LRRC7: variants seen among roughly 807,000 people sequenced by gnomAD.
LRRC7 encodes leucine-rich repeat-containing protein 7.
A neutral mutation model predicts 175.7 loss-of-function variants in LRRC7; 23 were observed. That is an observed-to-expected ratio of 0.13 (90% CI 0.09 to 0.19). The LOEUF is 0.19. LRRC7 is among the 10% of genes least tolerant of loss of function. LRRC7 has a pLI of 1.00. For missense variants in LRRC7, 1,354 were observed against 1,904.7 expected, an observed-to-expected ratio of 0.71 and a Z score of 5.38; for synonymous variants, 685 against 680.9, an observed-to-expected ratio of 1.01 and a Z score of -0.09.
At chr1:69,709,256 G>A (rs1400244009) in intron 2 of LRRC7, among the ~76,000 whole-genome samples, 1 of 152,182 alleles carries the variant, frequency 6.6e-6, no homozygotes, top group Non-Finnish European at 1.5e-5. Flanking sequence ...GCTCTCATTT[G>A]TAGCTATGCC....
At chr1:69,578,782 G>A (rs1452591015) in intron 1 of LRRC7, among the ~76,000 whole-genome samples, 1 of 127,540 alleles carries the variant, frequency 7.8e-6, no homozygotes, top group Admixed American at 8.4e-5. Flanking sequence ...TCACACTCTG[G>A]GGACTGTTGT....
At chr1:69,581,283 G>C (rs955132162) in intron 1 of LRRC7, among the ~76,000 whole-genome samples, 1 of 152,126 alleles carries the variant, frequency 6.6e-6, no homozygotes, top group African/African-American at 2.4e-5. Flanking sequence ...GTGGAAATAG[G>C]GATTCATGAA....
intron 4 of LRRC7, among the ~76,000 whole-genome samples, chr1:69,813,113 T>A (rs546892808): frequency 6.6e-6 from 1 of 152,084 alleles, no homozygotes; most frequent in African/African-American, 2.4e-5. Flanking sequence ...CACCAATCCA[T>A]TATATTGGCA....
At chr1:69,920,953 G>C (rs1043827951) in intron 7 of LRRC7, among the ~76,000 whole-genome samples, 1 of 152,068 alleles carries the variant, frequency 6.6e-6, no homozygotes, top group Admixed American at 6.6e-5. Flanking sequence ...CTCCTCATGG[G>C]CCCCAACTAT....
At chr1:69,821,257 T>G (rs1475039971) in intron 4 of LRRC7, among the ~76,000 whole-genome samples, 2 of 152,164 alleles carry the variant, frequency 1.3e-5, no homozygotes, top group African/African-American at 4.8e-5. Flanking sequence ...CCCATAAGCT[T>G]TCTTCATTCC....
intron 8 of LRRC7, among the ~76,000 whole-genome samples, chr1:69,969,948 A>G (rs1207385526): frequency 6.6e-6 from 1 of 152,192 alleles, no homozygotes; most frequent in Non-Finnish European, 1.5e-5. Flanking sequence ...ACCACAGTGG[A>G]ATTAAACTGG....
intron 24 of LRRC7, among the ~76,000 whole-genome samples, chr1:70,076,617 A>G (rs1662799528): frequency 6.6e-6 from 1 of 152,206 alleles, no homozygotes; most frequent in African/African-American, 2.4e-5. Flanking sequence ...TTTGAATGTT[A>G]TAAAGGACTT....
At chr1:69,985,257 G>A (rs766116534) in intron 9 of LRRC7, among the ~76,000 whole-genome samples, 30 of 152,074 alleles carry the variant, frequency 2.0e-4, no homozygotes, top group Admixed American at 5.9e-4. Context: ...TCTTGAATAC[G>A]TAACACAGAT....
At chr1:69,638,274 G>A (rs553777532) in intron 1 of LRRC7, among the ~76,000 whole-genome samples, 1 of 151,758 alleles carries the variant, frequency 6.6e-6, no homozygotes, top group South Asian at 2.1e-4. Flanking sequence ...CATTCATTTG[G>A]TCATTTCTAA....
intron 1 of LRRC7, among the ~76,000 whole-genome samples, chr1:69,590,323 G>A (rs1244388760): frequency 6.6e-6 from 1 of 152,116 alleles, no homozygotes; most frequent in African/African-American, 2.4e-5. Context: ...ATATCATCAA[G>A]TTATTCAGTA....
intron 7 of LRRC7, among the ~76,000 whole-genome samples, chr1:69,922,366 T>A (rs1646916800): frequency 6.7e-6 from 1 of 149,686 alleles, no homozygotes; most frequent in Non-Finnish European, 1.5e-5. Flanking sequence ...GCCTTCTATT[T>A]TCTATTCCTA....
At chr1:69,797,041 C>G (rs986402109) in intron 4 of LRRC7, among the ~76,000 whole-genome samples, 1 of 152,126 alleles carries the variant, frequency 6.6e-6, no homozygotes, top group Non-Finnish European at 1.5e-5. Flanking sequence ...TTTGGAACTA[C>G]TAGCACAATA....
chr1:70,008,000 G>A (rs1019725044), intron 11 of LRRC7, among the ~76,000 whole-genome samples: 2 of 152,102 alleles, frequency 1.3e-5, no homozygotes, highest in Admixed American at 6.6e-5. Context: ...GGTTCTCTTA[G>A]GGGAATAGAA....
At chr1:70,077,300 C>T (rs1662853691) in intron 24 of LRRC7, among the ~76,000 whole-genome samples, 1 of 152,104 alleles carries the variant, frequency 6.6e-6, no homozygotes, top group Admixed American at 6.5e-5. Context: ...ATCATAGGTG[C>T]ATTGTAAAGA....
intron 8 of LRRC7, among the ~76,000 whole-genome samples, chr1:69,956,722 C>T (rs72676866): frequency 1.3e-3 from 200 of 151,526 alleles, no homozygotes; most frequent in Middle Eastern, 0.01. Context: ...TAGGATATAA[C>T]ATATTCAGGG....
At chr1:69,613,164 T>G (rs893934599) in intron 1 of LRRC7, among the ~76,000 whole-genome samples, 3 of 152,126 alleles carry the variant, frequency 2.0e-5, no homozygotes, top group African/African-American at 7.2e-5. Context: ...TCCAGAACAC[T>G]GGGAAGTCCA....
rs569653661 is a variant in LRRC7 at position 69,796,740 on chromosome 1, G to T, written c.421+4580G>T. Among the ~76,000 whole-genome samples the T allele has an allele frequency of 2.6e-5, 4 of 151,930 alleles. No homozygotes were observed. In the South Asian group the frequency reaches 6.2e-4, roughly 24 times the overall value. Reference sequence around the variant, plus strand: ...ACCTAGGAGGCGGAGGTTGCGGTGAGCCGAGATTGTACCATTGCACTCCAG... The same window carrying T: ...ACCTAGGAGGCGGAGGTTGCGGTGATCCGAGATTGTACCATTGCACTCCAG... On this transcript the variant is annotated intron_variant, in intron 4 of 26. Coordinates refer to ENST00000651989, the MANE Select transcript of LRRC7 (RefSeq NM_001370785.2).
chr1:69,842,937 A>T (rs905661667), intron 7 of LRRC7, among the ~76,000 whole-genome samples: 1 of 152,086 alleles, frequency 6.6e-6, no homozygotes, highest in African/African-American at 2.4e-5. Context: ...AGTGGCTCAC[A>T]TCTGTAATCC....
chr1:69,983,868 AAT>A (rs1228389621), intron 9 of LRRC7, among the ~76,000 whole-genome samples: 5 of 152,108 alleles, frequency 3.3e-5, no homozygotes, highest in Non-Finnish European at 7.4e-5. Flanking sequence ...CTTAATCTCC[AAT>A]ATTTAATATG....
Sources: allele counts gnomAD v4.1 joint callset (sites outside exome capture counted in the v4.1 genomes callset), GRCh38; gene constraint gnomAD v4.1.1; transcripts MANE v1.5; gene names NCBI Gene and HGNC (gene_info 2026-07-23, HGNC 2026-07-21).